The following WDR88 variants were observed in gnomAD, a reference collection of about 807,000 sequenced individuals.
WDR88 encodes WD repeat-containing protein 88.
In WDR88, 40 loss-of-function variants were observed where a neutral mutation model predicts 46.8. The ratio of observed to expected loss-of-function variants is 0.86; its 90% CI spans 0.66 to 1.11. The LOEUF (loss-of-function observed/expected upper bound fraction) is 1.11. Among genes scored for constraint, WDR88 ranks in the 50% most tolerant of loss-of-function variants. WDR88 has a pLI of 0.00. For missense variants in WDR88, 562 were observed against 602.4 expected (o/e 0.93, Z 0.70); for synonymous variants, 235 against 240.7 (o/e 0.98, Z 0.22).
At chr19:33,163,975 T>G (rs1428979948) in intron 8 of WDR88, among the ~76,000 whole-genome samples, 1 of 151,984 alleles carries the variant, frequency 6.6e-6, no homozygotes, top group Non-Finnish European at 1.5e-5. Flanking sequence ...CTTGACTTTT[T>G]GTTGTTTTTT....
chr19:33,175,002 A>G, intron 10 of WDR88: 1 of 985,332 alleles, frequency 1.0e-6, no homozygotes, highest in Non-Finnish European at 1.2e-6. Flanking sequence ...TGGGCTGCCA[A>G]GGTGGGTGGA....
intron 6 of WDR88, among the ~76,000 whole-genome samples, chr19:33,154,820 T>C (rs1189092323): frequency 6.6e-6 from 1 of 152,160 alleles, no homozygotes; most frequent in Non-Finnish European, 1.5e-5. Context: ...CACTGGGAAT[T>C]GGTGAGGTTT....
At chr19:33,175,006 G>T (rs1974099667) in intron 10 of WDR88, 5 of 985,288 alleles carry the variant, frequency 5.1e-6, no homozygotes, top group Non-Finnish European at 6.0e-6. Flanking sequence ...CTGCCAAGGT[G>T]GGTGGATCAC....
At position 33,172,779 on chromosome 19, in the gene WDR88, C is replaced by T. The variant is rs374125406; in HGVS notation, c.1242+339C>T. On this transcript the variant is annotated intron_variant, in intron 10 of 10. Transcript: ENST00000355868. ...ACTTGAAGGTGGTGAGGGGGTGAGC[C>T]ATGCAGATATTTAGAGGAAAGAACT... is the stretch of plus-strand genomic sequence containing the variant. 2.5e-4 allele frequency among the ~76,000 whole-genome samples: 38 copies of T among 152,000 alleles called. 1 individual carries two copies. The highest frequency in any genetic ancestry group is 8.9e-4 in the African/African-American group (37 of 41,464).
intron 9 of WDR88, among the ~76,000 whole-genome samples, chr19:33,167,850 A>G (rs1214512247): frequency 6.6e-6 from 1 of 151,484 alleles, no homozygotes; most frequent in East Asian, 1.9e-4. Flanking sequence ...CAGTGGCACA[A>G]TCTCGACTCA....
At position 33,175,680 on chromosome 19, in the gene WDR88, C is replaced by CA; in HGVS notation, c.*109dup. ...CCCCTCCCAGGCTCAGCAGGCCTGT[C>CA]AGACTGGGGCAGGACCCAAGCCCTG... On this transcript the variant is annotated 3_prime_UTR_variant, in exon 11 of 11. Coordinates refer to ENST00000355868, the MANE Select transcript of WDR88 (RefSeq NM_173479.4). 7.4e-7 allele frequency: 1 copy of CA among 1,360,036 alleles called. No homozygotes were observed. The highest frequency in any genetic ancestry group is 2.6e-4 in the Middle Eastern group (1 of 3,784). The allele number at this position is 1,360,036 out of a possible 1,614,324, so 84.2% of individuals were successfully genotyped here. A position where few individuals can be genotyped will look rare whatever the true frequency, so the allele number is the denominator to read the frequency against.
intron 9 of WDR88, among the ~76,000 whole-genome samples, chr19:33,164,916 T>C (rs986179455): frequency 2.0e-5 from 3 of 151,800 alleles, no homozygotes; most frequent in Non-Finnish European, 4.4e-5. Flanking sequence ...CAACCCACCA[T>C]TATGTAGAAT....
rs1973736716 is a variant in WDR88, at chr19:33,156,443, T to C, written c.898T>C (p.Trp300Arg). The C allele has an allele frequency of 1.2e-6, 2 of 1,614,180 alleles. No homozygotes were observed. The highest frequency in any genetic ancestry group is 1.6e-4 in the Middle Eastern group (1 of 6,062). Reference sequence around the variant, plus strand: ...CTCCTGGGATAAAAACTTAAAAATATGGAACGTCCACACAGGGGAGTTTCG... The same window carrying C: ...CTCCTGGGATAAAAACTTAAAAATACGGAACGTCCACACAGGGGAGTTTCG... ...TSSWDKNLKI[W>R]NVHTGEFRNC... Residue 300 changes from tryptophan to arginine, a missense_variant, in exon 7 of 11, where the codon TGG (tryptophan) becomes CGG (arginine). Transcript: ENST00000355868.
intron 2 of WDR88, among the ~76,000 whole-genome samples, chr19:33,141,059 C>T (rs1047015184): frequency 4.6e-5 from 7 of 151,136 alleles, no homozygotes; most frequent in African/African-American, 1.7e-4. Flanking sequence ...ATCTCAGCCT[C>T]CCAAGTCGCT....
intron 9 of WDR88, among the ~76,000 whole-genome samples, chr19:33,166,781 G>A (rs186207315): frequency 1.3e-4 from 20 of 150,702 alleles, no homozygotes; most frequent in Middle Eastern, 3.7e-3. Flanking sequence ...GAGTGGTGGC[G>A]CACACCTGTA....
At chr19:33,150,908 A>G (rs1973620743) in intron 5 of WDR88, among the ~76,000 whole-genome samples, 1 of 152,160 alleles carries the variant, frequency 6.6e-6, no homozygotes, top group South Asian at 2.1e-4. Context: ...CCGTGCACTC[A>G]TCTCATGATC....
At chr19:33,164,157 A>G in intron 8 of WDR88, 40 bp from the exon 9 acceptor site, 1 of 1,588,948 alleles carries the variant, frequency 6.3e-7, no homozygotes, top group Non-Finnish European at 8.6e-7. Context: ...TTTCAAAATT[A>G]TTTTCTCCAC....
chr19:33,163,327 C>T (rs887016005), intron 8 of WDR88, among the ~76,000 whole-genome samples: 7 of 136,718 alleles, frequency 5.1e-5, no homozygotes, highest in East Asian at 2.4e-4. Flanking sequence ...AGCGAGACTC[C>T]GTCTCAAAAA....
At chr19:33,157,539 A>G (rs10410610) in intron 7 of WDR88, among the ~76,000 whole-genome samples, 3 of 102,050 alleles carry the variant, frequency 2.9e-5, no homozygotes, top group African/African-American at 1.4e-4. Flanking sequence ...ATATATATAT[A>G]TGTATATATA....
At chr19:33,139,504 G>C (rs1471048083) in intron 2 of WDR88, among the ~76,000 whole-genome samples, 2 of 152,230 alleles carry the variant, frequency 1.3e-5, no homozygotes, top group East Asian at 3.9e-4. Flanking sequence ...TTCTGGTTTG[G>C]GTAACGGGGA....
intron 1 of WDR88, among the ~76,000 whole-genome samples, chr19:33,135,220 GA>G (rs1197491018): frequency 1.3e-5 from 2 of 151,972 alleles, no homozygotes; most frequent in African/African-American, 4.8e-5. Context: ...CCATCCTGCC[GA>G]CACCAGGCAA....
At chr19:33,165,488 C>CT (rs1973938341) in intron 9 of WDR88, among the ~76,000 whole-genome samples, 2 of 152,032 alleles carry the variant, frequency 1.3e-5, no homozygotes, top group Admixed American at 1.3e-4. Flanking sequence ...ATATTTTTTA[C>CT]TTTTTTGTTC....
intron 2 of WDR88, among the ~76,000 whole-genome samples, chr19:33,139,328 G>GAGGGCTGGGGAGGAGC (rs1339375384): frequency 2.6e-5 from 4 of 152,258 alleles, no homozygotes; most frequent in Admixed American, 6.5e-5. Flanking sequence ...GATCACTCAG[G>GAGGGCTGGGGAGGAGC]AGGGCTGGGG....
intron 10 of WDR88, chr19:33,174,590 C>T (rs1222241544): frequency 1.0e-6 from 1 of 982,164 alleles, no homozygotes; most frequent in Non-Finnish European, 1.2e-6. Flanking sequence ...AGGAGGGCAC[C>T]TAGCACCTGC....
Sources: allele counts gnomAD v4.1 joint callset (sites outside exome capture counted in the v4.1 genomes callset), GRCh38; gene constraint gnomAD v4.1.1; transcripts MANE v1.5; gene names NCBI Gene and HGNC (gene_info 2026-07-23, HGNC 2026-07-21).